ZNF106: variants seen among roughly 807,000 people sequenced by gnomAD.
ZNF106 encodes the protein zinc finger protein 106.
ZNF106 carries 67 observed loss-of-function variants against 195.1 expected under a neutral mutation model. The ratio of observed to expected loss-of-function variants is 0.34; its 90% CI spans 0.28 to 0.42. ZNF106 has a LOEUF of 0.42. Ranked by LOEUF, ZNF106 falls within the 10% of genes least tolerant of loss-of-function variation. ZNF106 has a pLI of 1.00. For missense variants in ZNF106, 2,118 were observed against 2,304.5 expected, an observed-to-expected ratio of 0.92 and a Z score of 1.66; for synonymous variants, 784 against 818.6, an observed-to-expected ratio of 0.96 and a Z score of 0.72.
intron 20 of ZNF106, 106 bp from the exon 21 acceptor site, chr15:42,418,057 G>C: frequency 8.4e-7 from 1 of 1,191,592 alleles, no homozygotes; most frequent in Non-Finnish European, 1.1e-6. Context: ...CAAAAAGCCA[G>C]CCCCTTATTT....
intron 14 of ZNF106, among the ~76,000 whole-genome samples, chr15:42,433,359 C>G (rs1032805251): frequency 4.6e-5 from 7 of 152,108 alleles, no homozygotes; most frequent in African/African-American, 1.7e-4. Context: ...CCCACCTCGG[C>G]CTCCCAAAGT....
intron 14 of ZNF106, 60 bp downstream of exon 14, chr15:42,435,324 C>T (rs1396370018): frequency 1.9e-6 from 3 of 1,607,414 alleles, no homozygotes; most frequent in African/African-American, 2.7e-5. Context: ...CTCCACTCCA[C>T]ACAGTAAATA....
chr15:42,437,163 TTAAA>T, intron 13 of ZNF106, 65 bp downstream of exon 13: 1 of 1,524,686 alleles, frequency 6.6e-7, no homozygotes, highest in East Asian at 2.3e-5. Flanking sequence ...CCTTTATTGT[TTAAA>T]AAAGTATAAA....
rs1358647335 is a variant in ZNF106, at chr15:42,450,644, G to T, written c.1628C>A (p.Thr543Lys). ...ACCAGATTGCTTTTGAGAGCCAAAT[G>T]TACTTTTATTCCCTTTTAAAACATG... ...CPHVLKGNKS[T>K]FGSQKQSGDN... The change falls in exon 5 of 22, where the codon ACA becomes AAA. Residue 543 changes from threonine to lysine, a missense_variant. Transcript: ENST00000564754. The T allele has an allele frequency of 5.0e-6, 8 of 1,614,160 alleles. No homozygotes were observed. Among genetic ancestry groups the T allele is most frequent in the Non-Finnish European group, 6.8e-6 (8 of 1,180,034 alleles).
chr15:42,421,230 AAAAC>A, intron 19 of ZNF106, 98 bp from the exon 20 acceptor site: 1 of 1,079,694 alleles, frequency 9.3e-7, no homozygotes, highest in Non-Finnish European at 1.4e-6. Context: ...CAGCTACAAG[AAAAC>A]AAACACCTAA....
intron 14 of ZNF106, among the ~76,000 whole-genome samples, chr15:42,431,935 A>T (rs1441554513): frequency 1.3e-5 from 2 of 152,110 alleles, no homozygotes; most frequent in African/African-American, 4.8e-5. Flanking sequence ...GTTCTTGTAT[A>T]TCCTTCATGG....
Position 42,439,641 on chromosome 15 carries a change from G to T in ZNF106, c.3936C>A (p.Ser1312Arg). ...SPSSQSAGLS[S>R]INKEGEEPTK... ...TTGGCTCTTCCCCTTCTTTATTTAT[G>T]CTAGAAAGACCAGCTGATTGGGAAG... Residue 1312 changes from serine (S) to arginine (R), a missense_variant, in exon 11 of 22, where the codon AGC (serine) becomes AGA (arginine). By Grantham distance (110) the Ser-to-Arg change is moderately radical (BLOSUM62 -1). Coordinates refer to ENST00000564754, the MANE Select transcript of ZNF106 (RefSeq NM_001366845.3). 1.2e-6 allele frequency: 2 copies of T among 1,613,914 alleles called. No individual in the cohort carries two copies. The highest frequency in any genetic ancestry group is 2.2e-5 in the South Asian group (2 of 91,040).
chr15:42,446,272 C>T (rs980240592), intron 7 of ZNF106, among the ~76,000 whole-genome samples: 13 of 152,282 alleles, frequency 8.5e-5, no homozygotes, highest in South Asian at 2.1e-4. Context: ...GCTGCACAAA[C>T]GCTGAACTGC....
At chr15:42,479,402 G>A (rs1369272145) in intron 1 of ZNF106, among the ~76,000 whole-genome samples, 2 of 152,108 alleles carry the variant, frequency 1.3e-5, no homozygotes, top group Non-Finnish European at 2.9e-5. Context: ...TTTTATTACA[G>A]TCAAAGAACA....
At chr15:42,435,286 G>A (rs1260560537) in intron 14 of ZNF106, 98 bp downstream of exon 14, 3 of 1,509,084 alleles carry the variant, frequency 2.0e-6, no homozygotes, top group Non-Finnish European at 9.1e-7. Context: ...AGGAGATGGT[G>A]GGTAGAATGA....
chr15:42,413,941 A>G lies in ZNF106; in HGVS notation c.*3363T>C, dbSNP rs1303401094. ...TTAACCTAATTAAAAACTTTCACAG[A>G]AAACTTGAAGTGACTGATACTTTAT... On this transcript the variant is annotated 3_prime_UTR_variant, in exon 22 of 22. Transcript: ENST00000564754. The G allele has an allele frequency of 3.3e-5, 5 of 152,264 alleles. No homozygotes were observed. The highest frequency in any genetic ancestry group is 1.2e-4 in the African/African-American group (5 of 41,468). The allele number at this position is 152,264 out of a possible 1,614,324, so 9.4% of individuals were successfully genotyped here.
At position 42,450,907 on chromosome 15, in the gene ZNF106, G is replaced by C. The variant is rs759009911; in HGVS notation, c.1365C>G (p.Cys455Trp). The part of the protein sequence containing the change: ...SAASFEVVRQ[C>W]PTAEKPEQEH... Reference sequence around the variant, plus strand: ...CTTGTTCAGGTTTTTCTGCAGTGGGGCACTGTCTCACCACCTCGAAGGAAG... The same window carrying C: ...CTTGTTCAGGTTTTTCTGCAGTGGGCCACTGTCTCACCACCTCGAAGGAAG... Residue 455 changes from cysteine to tryptophan, a missense_variant, in exon 5 of 22, where the codon TGC becomes TGG. Physicochemically the swap from Cys to Trp is radical, Grantham distance 215. Coordinates refer to ENST00000564754, the MANE Select transcript of ZNF106 (RefSeq NM_001366845.3). The C allele has an allele frequency of 3.4e-5, 55 of 1,614,162 alleles. No individual in the cohort carries two copies. The highest frequency in any genetic ancestry group is 4.6e-5 in the Non-Finnish European group (54 of 1,180,038).
At chr15:42,441,173 T>TAA (rs752991984) in intron 10 of ZNF106, among the ~76,000 whole-genome samples, 12 of 114,724 alleles carry the variant, frequency 1.0e-4, no homozygotes, top group South Asian at 6.0e-4. Flanking sequence ...CATCTCTACT[T>TAA]AAAAAAAAAA....
At chr15:42,476,387 C>T (rs1203723975) in intron 1 of ZNF106, among the ~76,000 whole-genome samples, 1 of 152,146 alleles carries the variant, frequency 6.6e-6, no homozygotes, top group Non-Finnish European at 1.5e-5. Context: ...GAAATACAAA[C>T]CATCCAACTC....
chr15:42,481,437 A>G (rs1453624866), intron 1 of ZNF106, among the ~76,000 whole-genome samples: 3 of 142,842 alleles, frequency 2.1e-5, no homozygotes, highest in African/African-American at 7.8e-5. Flanking sequence ...AGCTCACTGT[A>G]ACCTCCACCT....
chr15:42,474,830 C>T (rs1161951216), intron 1 of ZNF106, among the ~76,000 whole-genome samples: 1 of 152,208 alleles, frequency 6.6e-6, no homozygotes, highest in Non-Finnish European at 1.5e-5. Flanking sequence ...AATCCTCTGG[C>T]ACTAGCACAC....
At chr15:42,453,752 C>T (rs1044699143) in intron 4 of ZNF106, among the ~76,000 whole-genome samples, 2 of 152,070 alleles carry the variant, frequency 1.3e-5, no homozygotes, top group Non-Finnish European at 2.9e-5. Context: ...CCCGCCACCA[C>T]GCCTGGCTAA....
chr15:42,441,631 T>C (rs1284440818), intron 10 of ZNF106: 1 of 153,646 alleles, frequency 6.5e-6, no homozygotes, highest in Non-Finnish European at 1.4e-5. Flanking sequence ...TCTTAGTAGA[T>C]GATTCCAAAC....
At position 42,449,762 on chromosome 15, in the gene ZNF106, A is replaced by G. The variant is rs1334099567; in HGVS notation, c.2501+9T>C. On this transcript the variant is annotated intron_variant, in intron 5 of 21. Coordinates refer to ENST00000564754, the MANE Select transcript of ZNF106 (RefSeq NM_001366845.3). ...GAGGAAAAAAAAGACACCGAAAAGC[A>G]GCACACACCTGGGTAAGCCTTTGCC... 6.3e-6 allele frequency: 10 copies of G among 1,594,126 alleles called. No homozygotes were observed. Among genetic ancestry groups the G allele is most frequent in the Non-Finnish European group, 7.7e-6 (9 of 1,169,596 alleles).
Sources: gnomAD v4.1 joint callset for allele counts (sites outside exome capture counted in the v4.1 genomes callset) on GRCh38, gnomAD v4.1.1 for gene constraint, MANE v1.5 for transcripts, NCBI Gene and HGNC (gene_info 2026-07-23, HGNC 2026-07-21) for gene names.